The following SORCS1 variants were observed in gnomAD, a reference collection of about 807,000 sequenced individuals.
The protein encoded by SORCS1 is VPS10 domain-containing receptor SorCS1.
SORCS1 carries 60 observed loss-of-function variants against 146.1 expected under a neutral mutation model. That is an observed-to-expected ratio of 0.41 (90% confidence interval 0.33 to 0.51). The LOEUF is 0.51. SORCS1 is among the 20% of genes least tolerant of loss of function. SORCS1 has a pLI of 0.21. For missense variants in SORCS1, 1,352 were observed against 1,487.6 expected, an observed-to-expected ratio of 0.91 and a Z score of 1.50; for synonymous variants, 637 against 584.0, an observed-to-expected ratio of 1.09 and a Z score of -1.31.
At chr10:107,097,053 C>T (rs753760081) in intron 1 of SORCS1, among the ~76,000 whole-genome samples, 30 of 152,232 alleles carry the variant, frequency 2.0e-4, no homozygotes, top group African/African-American at 4.8e-4. Flanking sequence ...GAGATCTTTT[C>T]GCAAAGTCAC....
At chr10:107,172,664 G>A in the SORCS1 span, among the ~76,000 whole-genome samples, 1 of 152,186 alleles carries the variant, frequency 6.6e-6, no homozygotes, top group South Asian at 2.1e-4. Flanking sequence ...TTGAATGAGT[G>A]AATAACAAAG....
At chr10:106,718,074 G>A (rs1443570760) in intron 6 of SORCS1, among the ~76,000 whole-genome samples, 1 of 152,180 alleles carries the variant, frequency 6.6e-6, no homozygotes, top group East Asian at 1.9e-4. Context: ...CTGAGGGAAA[G>A]CCTAGAAGGC....
chr10:107,127,661 C>G (rs896255418), intron 1 of SORCS1, among the ~76,000 whole-genome samples: 1 of 152,164 alleles, frequency 6.6e-6, no homozygotes, highest in Non-Finnish European at 1.5e-5. Context: ...CTCACTTGTG[C>G]TTCCATCCTG....
intron 1 of SORCS1, among the ~76,000 whole-genome samples, chr10:107,033,460 A>G (rs1958758509): frequency 6.6e-6 from 1 of 152,200 alleles, no homozygotes; most frequent in African/African-American, 2.4e-5. Flanking sequence ...AAAACACAAT[A>G]AATAGTATGA....
rs78561128 is a variant in SORCS1 at position 107,148,022 on chromosome 10, G to A, written c.558+15947C>T. Among the ~76,000 whole-genome samples the A allele has an allele frequency of 3.9e-5, 6 of 152,202 alleles. No individual in the cohort carries two copies. The East Asian group carries it at 1.2e-3, about 29-fold the overall frequency. ...GATTTAAGTGGACACAGACATGGCAGATTGAGTTTTTAAACAGAGGCAGTA... is the reference window on the plus strand; with the variant it reads ...GATTTAAGTGGACACAGACATGGCAAATTGAGTTTTTAAACAGAGGCAGTA... On this transcript the variant is annotated intron_variant, in intron 1 of 25. Coordinates refer to ENST00000263054, the MANE Select transcript of SORCS1 (RefSeq NM_052918.5).
chr10:106,681,100 A>G (rs2135564734), intron 10 of SORCS1, among the ~76,000 whole-genome samples: 1 of 152,360 alleles, frequency 6.6e-6, no homozygotes, highest in Admixed American at 6.5e-5. Context: ...GGACTAAAGA[A>G]GACAGCCCCT....
intron 2 of SORCS1, among the ~76,000 whole-genome samples, chr10:106,947,625 C>T (rs182122376): frequency 1.2e-4 from 18 of 152,286 alleles, no homozygotes; most frequent in African/African-American, 4.1e-4. Flanking sequence ...GGGCAGATCA[C>T]CTGAGGTCAG....
At chr10:106,657,648 TA>T (rs772388062) in intron 17 of SORCS1, among the ~76,000 whole-genome samples, 6 of 109,312 alleles carry the variant, frequency 5.5e-5, no homozygotes, top group Non-Finnish European at 9.1e-5. Flanking sequence ...ATCTCAAAAA[TA>T]TATAACACTA....
In SORCS1 at chr10:106,679,142, C is replaced by T. The variant is rs184756908; in HGVS notation, c.1740+114G>A. ...TAAAAAGGAAAAATAAACATATTCA[C>T]AGTCATTAGGATTTATGTGTAGCAC... is the stretch of plus-strand genomic sequence containing the variant. On this transcript the variant is annotated intron_variant, in intron 12 of 25. Coordinates refer to ENST00000263054, the MANE Select transcript of SORCS1 (RefSeq NM_052918.5). The T allele has an allele frequency of 5.8e-5, 38 of 653,458 alleles. No homozygotes were observed. In the East Asian group the frequency reaches 9.9e-4, roughly 17 times the overall value. 40.5% of individuals were successfully genotyped at this position (653,458 alleles called of 1,614,324 possible). A position where few individuals can be genotyped will look rare whatever the true frequency, so the allele number is the denominator to read the frequency against.
At chr10:106,879,010 C>T (rs760335553) in intron 2 of SORCS1, among the ~76,000 whole-genome samples, 1 of 151,712 alleles carries the variant, frequency 6.6e-6, no homozygotes, top group Non-Finnish European at 1.5e-5. Context: ...AGTAGCCGGA[C>T]ATGGTGGTGG....
intron 3 of SORCS1, among the ~76,000 whole-genome samples, chr10:106,811,254 G>C (rs957294122): frequency 6.6e-6 from 1 of 152,078 alleles, no homozygotes; most frequent in African/African-American, 2.4e-5. Context: ...AACTTCCACT[G>C]TCCAGTAGAG....
intron 1 of SORCS1, among the ~76,000 whole-genome samples, chr10:107,157,167 C>G (rs1969348973): frequency 6.6e-6 from 1 of 152,182 alleles, no homozygotes; most frequent in Non-Finnish European, 1.5e-5. Flanking sequence ...TAGGGTGCAG[C>G]TGTGTTCTAA....
chr10:106,588,752 T>C (rs1397990950), intron 24 of SORCS1, among the ~76,000 whole-genome samples: 1 of 147,766 alleles, frequency 6.8e-6, no homozygotes, highest in Admixed American at 6.9e-5. Context: ...TTCCAGCTAC[T>C]CCGGAGGCTG....
chr10:106,927,331 T>TA (rs1470973532), intron 2 of SORCS1, among the ~76,000 whole-genome samples: 20 of 152,072 alleles, frequency 1.3e-4, no homozygotes, highest in Non-Finnish European at 2.8e-4. Context: ...AGATGAGTGT[T>TA]ACAGCTTTTA....
At chr10:106,957,654 T>G (rs2139011755) in intron 1 of SORCS1, among the ~76,000 whole-genome samples, 1 of 152,284 alleles carries the variant, frequency 6.6e-6, no homozygotes, top group East Asian at 1.9e-4. Context: ...GTGTAATATA[T>G]TTCTTATGGA....
chr10:106,818,653 A>C (rs1947863537), intron 3 of SORCS1, among the ~76,000 whole-genome samples: 1 of 152,126 alleles, frequency 6.6e-6, no homozygotes, highest in African/African-American at 2.4e-5. Flanking sequence ...CTCCAGCTGG[A>C]ATTTTTTAGG....
At chr10:107,115,773 C>T (rs572011127) in intron 1 of SORCS1, among the ~76,000 whole-genome samples, 1 of 152,112 alleles carries the variant, frequency 6.6e-6, no homozygotes, top group East Asian at 1.9e-4. Context: ...CAAAAAGCTT[C>T]TGCACAACAA....
Position 106,577,317 on chromosome 10 carries a change from A to C in SORCS1, c.*103T>G, listed in dbSNP as rs750879574. ...AAATAGGAAACAGAACAACAAAGGA[A>C]AGAAAAAAAACACAAAGTTAGTGGT... On this transcript the variant is annotated 3_prime_UTR_variant, in exon 26 of 26. Transcript: ENST00000263054. The C allele has an allele frequency of 6.2e-7, 1 of 1,607,876 alleles. No individual in the cohort carries two copies. The highest frequency in any genetic ancestry group is 1.7e-5 in the Admixed American group (1 of 58,914).
chr10:107,109,637 C>G (rs549841789), intron 1 of SORCS1, among the ~76,000 whole-genome samples: 1 of 152,310 alleles, frequency 6.6e-6, no homozygotes, highest in East Asian at 1.9e-4. Flanking sequence ...ATACCTTTTC[C>G]CCATTCTCTG....
Sources: allele counts gnomAD v4.1 joint callset (sites outside exome capture counted in the v4.1 genomes callset), GRCh38; gene constraint gnomAD v4.1.1; transcripts MANE v1.5; gene names NCBI Gene and HGNC (gene_info 2026-07-23, HGNC 2026-07-21).